Variants in EPB41L5 observed in about 807,000 individuals in gnomAD.
The protein encoded by EPB41L5 is erythrocyte membrane protein band 4.1 like 5.
Under a neutral mutation model 106.6 loss-of-function variants are expected in EPB41L5, and 55 were observed. That is an observed-to-expected ratio of 0.52 (90% confidence interval 0.42 to 0.65). The LOEUF (loss-of-function observed/expected upper bound fraction) is 0.65. EPB41L5 is among the 30% of genes least tolerant of loss of function. EPB41L5 has a pLI of 0.00. For missense variants in EPB41L5, 871 were observed against 882.1 expected (o/e 0.99, Z 0.16); for synonymous variants, 297 against 306.7 (o/e 0.97, Z 0.33).
At chr2:120,053,826 C>G (rs1279904624) in intron 3 of EPB41L5, among the ~76,000 whole-genome samples, 1 of 152,144 alleles carries the variant, frequency 6.6e-6, no homozygotes, top group African/African-American at 2.4e-5. Flanking sequence ...CTTGGGGAGG[C>G]TGAGATGGGT....
chr2:120,064,300 A>G (rs972244025), intron 3 of EPB41L5, among the ~76,000 whole-genome samples: 6 of 152,230 alleles, frequency 3.9e-5, no homozygotes, highest in African/African-American at 1.4e-4. Context: ...ATTGGTTTGA[A>G]AGATGGTTAA....
chr2:120,064,876 A>G (rs1681337574), intron 3 of EPB41L5, among the ~76,000 whole-genome samples: 1 of 152,204 alleles, frequency 6.6e-6, no homozygotes, highest in Admixed American at 6.5e-5. Context: ...GGAGGAGATG[A>G]AAGAAAACAG....
intron 10 of EPB41L5, among the ~76,000 whole-genome samples, chr2:120,084,249 G>A (rs1682900560): frequency 6.6e-6 from 1 of 152,168 alleles, no homozygotes; most frequent in Non-Finnish European, 1.5e-5. Flanking sequence ...GCATGGTTTT[G>A]CAGTGGCTGG....
At chr2:120,106,705 G>T in intron 16 of EPB41L5, 1 of 985,336 alleles carries the variant, frequency 1.0e-6, no homozygotes, top group Non-Finnish European at 1.2e-6. Context: ...TTACAGTCAA[G>T]GAAACTTGTA....
chr2:120,043,173 G>A (rs1201071613), intron 3 of EPB41L5, among the ~76,000 whole-genome samples: 1 of 151,942 alleles, frequency 6.6e-6, no homozygotes, highest in African/African-American at 2.4e-5. Context: ...GTAACCATGA[G>A]CATATGGCAG....
chr2:120,042,476 G>C (rs1028695802), intron 3 of EPB41L5, among the ~76,000 whole-genome samples: 1 of 152,160 alleles, frequency 6.6e-6, no homozygotes, highest in African/African-American at 2.4e-5. Context: ...AACAATAGTA[G>C]TTTTTAATTT....
At chr2:120,086,602 G>T (rs999716756) in intron 10 of EPB41L5, among the ~76,000 whole-genome samples, 1 of 151,810 alleles carries the variant, frequency 6.6e-6, no homozygotes. Context: ...TCTCTACAAA[G>T]AATACAAAAA....
rs374738181 is a variant in EPB41L5, at chr2:120,106,971, T to C, written c.1337+6157T>C. ...GCACCTAGTATACAAACACTAATAT[T>C]GTAATACCAGTATAATTCAAATCAT... On this transcript the variant is annotated intron_variant, in intron 16 of 24. Transcript: ENST00000263713. 3.9e-4 allele frequency: 348 copies of C among 883,172 alleles called. 8 individuals carry two copies. The South Asian group carries it at 0.016, about 40-fold the overall frequency. The allele number at this position is 883,172 out of a possible 1,614,324, so 54.7% of individuals were successfully genotyped here.
In EPB41L5 at chr2:120,131,769, A is replaced by G. The variant is rs1685704331; in HGVS notation, c.1599+54A>G. The G allele has an allele frequency of 2.3e-6, 3 of 1,312,472 alleles. No homozygotes were observed. In the Admixed American group the frequency reaches 5.3e-5, roughly 23 times the overall value. The allele number at this position is 1,312,472 out of a possible 1,614,324, so 81.3% of individuals were successfully genotyped here. A position where few individuals can be genotyped will look rare whatever the true frequency, so the allele number is the denominator to read the frequency against. ...TTACACATCTCCAGAGCTCCCAGAAATATTTTCTTTCCAAAGACAGTACTT... is the reference window on the plus strand; with the variant it reads ...TTACACATCTCCAGAGCTCCCAGAAGTATTTTCTTTCCAAAGACAGTACTT... On this transcript the variant is annotated intron_variant, in intron 18 of 24. Coordinates refer to ENST00000263713, the MANE Select transcript of EPB41L5 (RefSeq NM_020909.4).
At chr2:120,159,618 T>C (rs1004237355) in intron 20 of EPB41L5, among the ~76,000 whole-genome samples, 1 of 151,986 alleles carries the variant, frequency 6.6e-6, no homozygotes, top group Non-Finnish European at 1.5e-5. Flanking sequence ...GAAAAAGAAG[T>C]AGCTGGAGGC....
intron 10 of EPB41L5, among the ~76,000 whole-genome samples, 163 bp downstream of exon 10, chr2:120,078,744 C>G (rs1333971341): frequency 6.6e-6 from 1 of 152,098 alleles, no homozygotes; most frequent in Admixed American, 6.6e-5. Flanking sequence ...TTCCTACTCT[C>G]CAGAGGCAAT....
intron 3 of EPB41L5, among the ~76,000 whole-genome samples, chr2:120,049,688 G>A (rs1680085827): frequency 6.6e-6 from 1 of 152,120 alleles, no homozygotes; most frequent in Non-Finnish European, 1.5e-5. Flanking sequence ...TGCCATGTGT[G>A]AATTTGATCC....
chr2:120,030,187 T>C (rs1487100715), intron 2 of EPB41L5, among the ~76,000 whole-genome samples: 1 of 152,180 alleles, frequency 6.6e-6, no homozygotes, highest in East Asian at 1.9e-4. Context: ...AATAACCATT[T>C]CCCGAAAAGA....
At chr2:120,095,194 G>A (rs1683664327) in intron 14 of EPB41L5, among the ~76,000 whole-genome samples, 1 of 152,022 alleles carries the variant, frequency 6.6e-6, no homozygotes, top group Admixed American at 6.5e-5. Flanking sequence ...TGTATGTTGT[G>A]GATTTGGGGT....
intron 19 of EPB41L5, among the ~76,000 whole-genome samples, chr2:120,144,668 C>G (rs1686322997): frequency 6.6e-6 from 1 of 152,046 alleles, no homozygotes; most frequent in African/African-American, 2.4e-5. Context: ...GGAACACTTC[C>G]CAATTCATCT....
chr2:120,098,215 G>C (rs1683896986), intron 14 of EPB41L5, among the ~76,000 whole-genome samples: 1 of 141,482 alleles, frequency 7.1e-6, no homozygotes. Context: ...TTTTGTTGTT[G>C]TTGTTGTTTT....
intron 16 of EPB41L5, chr2:120,104,156 C>T (rs1238449205): frequency 6.5e-7 from 1 of 1,536,076 alleles, no homozygotes. Context: ...ACTACACTGA[C>T]TTTGTTCATG....
At chr2:120,146,611 GT>G (rs1686416834) in intron 20 of EPB41L5, among the ~76,000 whole-genome samples, 3 of 152,214 alleles carry the variant, frequency 2.0e-5, no homozygotes, top group Non-Finnish European at 4.4e-5. Flanking sequence ...ATGTCATCCT[GT>G]TATCACAATG....
intron 16 of EPB41L5, among the ~76,000 whole-genome samples, chr2:120,126,443 T>G (rs1207775605): frequency 2.0e-5 from 3 of 152,192 alleles, no homozygotes; most frequent in Non-Finnish European, 4.4e-5. Flanking sequence ...CTCTTAACAC[T>G]TAGGTCGCTT....
Sources: allele counts gnomAD v4.1 joint callset (sites outside exome capture counted in the v4.1 genomes callset), GRCh38; gene constraint gnomAD v4.1.1; transcripts MANE v1.5; gene names NCBI Gene and HGNC (gene_info 2026-07-23, HGNC 2026-07-21).